Variants in CAP2 observed in about 807,000 individuals in gnomAD.
The protein encoded by CAP2 is cyclase associated actin cytoskeleton regulatory protein 2.
In CAP2, 24 loss-of-function variants were observed where a neutral mutation model predicts 57.7. That is an observed-to-expected ratio of 0.42 (90% CI 0.30 to 0.58). The LOEUF is 0.58. Ranked by LOEUF, CAP2 falls within the 20% of genes least tolerant of loss-of-function variation. CAP2 has a pLI of 0.22. For missense variants in CAP2, 501 were observed against 590.3 expected, an observed-to-expected ratio of 0.85 and a Z score of 1.57; for synonymous variants, 194 against 207.2, an observed-to-expected ratio of 0.94 and a Z score of 0.55.
intron 7 of CAP2, chr6:17,531,695 G>A (rs1219336961): frequency 2.9e-6 from 2 of 691,122 alleles, no homozygotes; most frequent in Non-Finnish European, 4.9e-6. Context: ...AACACTAATA[G>A]GTTGTCTGAC....
chr6:17,446,766 A>G (rs989281217), intron 3 of CAP2, among the ~76,000 whole-genome samples: 1 of 152,276 alleles, frequency 6.6e-6, no homozygotes, highest in African/African-American at 2.4e-5. Flanking sequence ...GAATCAAGAT[A>G]CTGCCTGAAA....
chr6:17,485,976 C>T (rs563560623), intron 4 of CAP2, among the ~76,000 whole-genome samples: 1 of 152,342 alleles, frequency 6.6e-6, no homozygotes, highest in African/African-American at 2.4e-5. Flanking sequence ...ATTGGGTGTA[C>T]CAATTCTGAA....
chr6:17,509,234 CTTT>C (rs1238971443), intron 6 of CAP2, among the ~76,000 whole-genome samples: 1 of 151,848 alleles, frequency 6.6e-6, no homozygotes, highest in South Asian at 2.1e-4. Flanking sequence ...ATTTTCATCA[CTTT>C]TTTTGTAGAT....
intron 7 of CAP2, among the ~76,000 whole-genome samples, chr6:17,519,671 G>T (rs576487309): frequency 2.7e-4 from 41 of 152,254 alleles, no homozygotes; most frequent in African/African-American, 9.6e-4. Flanking sequence ...CTCGCAGTTG[G>T]TCAGAGCTGT....
intron 4 of CAP2, among the ~76,000 whole-genome samples, chr6:17,488,779 G>C (rs1375269631): frequency 1.3e-5 from 2 of 152,192 alleles, no homozygotes; most frequent in African/African-American, 4.8e-5. Context: ...TGTCATCAAA[G>C]TTTGCACGCG....
At chr6:17,495,218 A>ATC (rs1761635144) in intron 4 of CAP2, among the ~76,000 whole-genome samples, 1 of 152,216 alleles carries the variant, frequency 6.6e-6, no homozygotes, top group South Asian at 2.1e-4. Flanking sequence ...GGGCAGGGAC[A>ATC]TCAGAGTGCT....
At position 17,398,452 on chromosome 6, in the gene CAP2, T is replaced by A. The variant is rs533412547; in HGVS notation, c.-2+4706T>A. 5.3e-5 allele frequency among the ~76,000 whole-genome samples: 8 copies of A among 152,218 alleles called. No individual in the cohort carries two copies. The East Asian group carries it at 1.5e-3, about 29-fold the overall frequency. On this transcript the variant is annotated intron_variant, in intron 1 of 12. Coordinates refer to ENST00000229922, the MANE Select transcript of CAP2 (RefSeq NM_006366.3). The stretch of plus-strand genomic sequence containing the variant: ...TTAGAAGGAGGAAAGCACCTTAAAG[T>A]CAGAACAAACCATTATGAGGAATTT...
chr6:17,449,435 T>C (rs2113575842), intron 3 of CAP2, among the ~76,000 whole-genome samples: 1 of 152,138 alleles, frequency 6.6e-6, no homozygotes, highest in South Asian at 2.1e-4. Context: ...AGACACAGTT[T>C]CATTCTTGTT....
intron 7 of CAP2, among the ~76,000 whole-genome samples, chr6:17,521,348 G>A (rs1363713336): frequency 6.6e-6 from 1 of 152,034 alleles, no homozygotes; most frequent in African/African-American, 2.4e-5. Context: ...AACCTGGGAG[G>A]CGGAGCTTGC....
At chr6:17,516,927 A>G (rs547066387) in intron 7 of CAP2, among the ~76,000 whole-genome samples, 1 of 152,082 alleles carries the variant, frequency 6.6e-6, no homozygotes, top group South Asian at 2.1e-4. Context: ...GCAAGATACA[A>G]CTAAGCGGAT....
intron 6 of CAP2, among the ~76,000 whole-genome samples, chr6:17,509,522 AC>A (rs1385621873): frequency 6.6e-6 from 1 of 152,122 alleles, no homozygotes; most frequent in Non-Finnish European, 1.5e-5. Context: ...TACTAAAAAT[AC>A]AAAAAGCCGA....
chr6:17,548,283 C>A (rs1763098671), intron 11 of CAP2, among the ~76,000 whole-genome samples: 1 of 151,746 alleles, frequency 6.6e-6, no homozygotes, highest in African/African-American at 2.4e-5. Flanking sequence ...CGGAGAATCG[C>A]TTGAACCTGG....
At chr6:17,533,799 C>T (rs1427647220) in intron 7 of CAP2, among the ~76,000 whole-genome samples, 2 of 152,108 alleles carry the variant, frequency 1.3e-5, no homozygotes, top group African/African-American at 4.8e-5. Flanking sequence ...ATCTCCTGAC[C>T]TCGTGATCCA....
chr6:17,539,315 G>A lies in CAP2; in HGVS notation c.683G>A (p.Gly228Glu). 6.2e-7 allele frequency: 1 copy of A among 1,613,806 alleles called. No homozygotes were observed. Among genetic ancestry groups the A allele is most frequent in the Non-Finnish European group, 8.5e-7 (1 of 1,179,880 alleles). The change falls in exon 8 of 13, where the codon GGG becomes GAG. Residue 228 changes from glycine to glutamate, a missense_variant. Gly to Glu is a moderately conservative substitution (Grantham distance 98, BLOSUM62 -2). Transcript: ENST00000229922. Reference protein sequence around the residue: ...TVSAFSVLSSGPGLPPPPPPL... With the variant: ...TVSAFSVLSSEPGLPPPPPPL... ...TCAGCGTTTTCTGTCCTCTCCTCTG[G>A]GCCTGGCCTTCCTCCACCCCCTCCT...
intron 8 of CAP2, 113 bp from the exon 9 acceptor site, chr6:17,540,860 A>T: frequency 1.0e-6 from 1 of 960,112 alleles, no homozygotes; most frequent in Non-Finnish European, 1.6e-6. Flanking sequence ...ACTGTTTTGA[A>T]AGTGGCCTTA....
chr6:17,541,108 A>G lies in CAP2; in HGVS notation c.962A>G (p.His321Arg). Residue 321 changes from histidine to arginine, a missense_variant, in exon 9 of 13, where the codon CAT (histidine) becomes CGT (arginine). By Grantham distance (29) the His-to-Arg change is conservative. Coordinates refer to ENST00000229922, the MANE Select transcript of CAP2 (RefSeq NM_006366.3). ...CCTAAATCTTATCCTTCTCAAAAAC[A>G]TGCCCCAGTGTTGGAGTTGGAAGGA... ...TSPKSYPSQKHAPVLELEGKK... is the reference protein window; with the variant it reads ...TSPKSYPSQKRAPVLELEGKK... 3 of 1,613,868 alleles carry G rather than the reference A, an allele frequency of 1.9e-6. No homozygotes were observed. Among genetic ancestry groups the G allele is most frequent in the Non-Finnish European group, 2.5e-6 (3 of 1,179,852 alleles).
intron 1 of CAP2, among the ~76,000 whole-genome samples, chr6:17,402,919 A>T (rs952936188): frequency 2.4e-4 from 36 of 152,198 alleles, no homozygotes; most frequent in African/African-American, 8.4e-4. Context: ...TGACAATTAA[A>T]ATAAGTTTTG....
chr6:17,545,631 T>C (rs994462826), intron 11 of CAP2, among the ~76,000 whole-genome samples: 1 of 152,210 alleles, frequency 6.6e-6, no homozygotes, highest in African/African-American at 2.4e-5. Flanking sequence ...ATGTGCCATG[T>C]TGGTGTGCTG....
chr6:17,532,776 A>G (rs1369616956), intron 7 of CAP2, among the ~76,000 whole-genome samples: 1 of 149,898 alleles, frequency 6.7e-6, no homozygotes, highest in Non-Finnish European at 1.5e-5. Flanking sequence ...AAAAACTGGA[A>G]GTGTTGGCCA....
Sources: gnomAD v4.1 joint callset for allele counts (sites outside exome capture counted in the v4.1 genomes callset) on GRCh38, gnomAD v4.1.1 for gene constraint, MANE v1.5 for transcripts, NCBI Gene and HGNC (gene_info 2026-07-23, HGNC 2026-07-21) for gene names.